SLC25A46: variants seen among roughly 807,000 people sequenced by gnomAD.
SLC25A46 encodes the protein solute carrier family 25 member 46.
Under a neutral mutation model 44.6 loss-of-function variants are expected in SLC25A46, and 39 were observed. That is an observed-to-expected ratio of 0.87 (90% CI 0.68 to 1.14). SLC25A46 has a LOEUF of 1.14. Ranked by LOEUF, SLC25A46 falls within the 50% of genes most tolerant of loss-of-function variation. The pLI is 0.00. For missense variants in SLC25A46, 547 were observed against 522.7 expected (o/e 1.05, Z -0.45); for synonymous variants, 202 against 185.8 (o/e 1.09, Z -0.71).
upstream of SLC25A46, chr5:110,738,904 C>T (rs1799501825): frequency 2.3e-6 from 3 of 1,296,258 alleles, no homozygotes; most frequent in Non-Finnish European, 3.1e-6. Flanking sequence ...GTCCAGGTTA[C>T]CGCCGCGTCT....
chr5:110,756,057 T>C (rs539778992), intron 6 of SLC25A46: 12 of 152,428 alleles, frequency 7.9e-5, no homozygotes, highest in African/African-American at 2.6e-4. Context: ...AGCACATTAT[T>C]ACTTAGTGAT....
chr5:110,741,700 A>G (rs995467339), intron 1 of SLC25A46: 6 of 170,840 alleles, frequency 3.5e-5, no homozygotes, highest in African/African-American at 1.4e-4. Flanking sequence ...ATAGTTGTCC[A>G]GGACTTTAAA....
At position 110,755,521 on chromosome 5, in the gene SLC25A46, C is replaced by A. The variant is rs766116322; in HGVS notation, c.620C>A (p.Ser207Tyr). Residue 207 changes from serine to tyrosine, a missense_variant and splice_region_variant, in exon 6 of 8, where the codon TCC becomes TAC. Ser to Tyr is a moderately radical substitution (Grantham distance 144). Coordinates refer to ENST00000355943, the MANE Select transcript of SLC25A46 (RefSeq NM_138773.4). ...ATAGGAGAACACCTTCTACTGAAAT[C>A]GTAAGTATCAAAAAATGGCATTTTT... is the stretch of plus-strand genomic sequence containing the variant. ...KQIGEHLLLKSLTYVVAMPFY... is the reference protein window; with the variant it reads ...KQIGEHLLLKYLTYVVAMPFY... The A allele has an allele frequency of 2.6e-6, 4 of 1,565,236 alleles. No homozygotes were observed. The highest frequency in any genetic ancestry group is 3.5e-6 in the Non-Finnish European group (4 of 1,155,122).
chr5:110,742,996 G>A (rs1799727432), intron 2 of SLC25A46, among the ~76,000 whole-genome samples: 2 of 152,036 alleles, frequency 1.3e-5, no homozygotes. Flanking sequence ...GGGTGTTAAT[G>A]TCAATATAAA....
chr5:110,742,194 C>A, intron 2 of SLC25A46, 105 bp downstream of exon 2: 1 of 719,228 alleles, frequency 1.4e-6, no homozygotes, highest in Non-Finnish European at 2.1e-6. Flanking sequence ...TAGGTTGTTT[C>A]TTTGAAGCAG....
In SLC25A46 at chr5:110,757,510, G is replaced by C. The variant is rs562697158; in HGVS notation, c.678+751G>C. 3.3e-3 allele frequency among the ~76,000 whole-genome samples: 503 copies of C among 151,986 alleles called. 4 individuals carry two copies. The highest frequency in any genetic ancestry group is 0.012 in the African/African-American group (479 of 41,476). On this transcript the variant is annotated intron_variant, in intron 7 of 7. Coordinates refer to ENST00000355943, the MANE Select transcript of SLC25A46 (RefSeq NM_138773.4). ...GTGAGTGCCCTCTCTGTAAAAACTC[G>C]CACTGGATCAGCCTTTGCTCTTCTA... is the stretch of plus-strand genomic sequence containing the variant.
At position 110,761,300 on chromosome 5, in the gene SLC25A46, C is replaced by T; in HGVS notation, c.775C>T (p.Leu259Phe). 6.2e-7 allele frequency: 1 copy of T among 1,613,762 alleles called. No homozygotes were observed. The highest frequency in any genetic ancestry group is 8.5e-7 in the Non-Finnish European group (1 of 1,179,780). ...GMGVPHSKRL[L>F]PLLSLIFPTV... ...GGGAGTGCCTCATAGCAAACGACTT[C>T]TTCCGCTTCTTTCCTTGATCTTCCC... The change falls in exon 8 of 8, where the codon CTT (leucine) becomes TTT (phenylalanine). Residue 259 changes from leucine to phenylalanine, a missense_variant. Leu to Phe is a conservative substitution (Grantham distance 22). Transcript: ENST00000355943. This position sits in a 1 kb window ranked among gnomAD's most constrained non-coding sequence, Gnocchi z 5.3.
intron 5 of SLC25A46, among the ~76,000 whole-genome samples, chr5:110,748,764 G>A (rs186055649): frequency 1.0e-3 from 155 of 152,198 alleles, no homozygotes; most frequent in African/African-American, 3.5e-3. Flanking sequence ...CCAATGTCAC[G>A]GGGTTGGACA....
intron 7 of SLC25A46, among the ~76,000 whole-genome samples, chr5:110,760,903 C>T (rs146301591): frequency 6.6e-6 from 1 of 151,992 alleles, no homozygotes; most frequent in African/African-American, 2.4e-5. Flanking sequence ...TCTCCTTAAG[C>T]GTTACATAGT....
chr5:110,756,602 C>A, intron 6 of SLC25A46, 100 bp from the exon 7 acceptor site: 3 of 730,836 alleles, frequency 4.1e-6, no homozygotes, highest in Non-Finnish European at 4.4e-6. Context: ...ATTATTCTAG[C>A]TTGACTATAA....
At chr5:110,746,229 A>C (rs775549856) in intron 3 of SLC25A46, 40 bp from the exon 4 acceptor site, 1 of 1,441,032 alleles carries the variant, frequency 6.9e-7, no homozygotes, top group South Asian at 1.2e-5. Context: ...TTCTTGACAA[A>C]ACATTAACAG....
rs1799513491 is a variant in SLC25A46, at chr5:110,739,020, G to C, written c.-100G>C. ...CTTCCGGTTGTCAGAATTTACCCCTGACGCGGCGGCGGCCGACGGGAAGCT... is the reference window on the plus strand; with the variant it reads ...CTTCCGGTTGTCAGAATTTACCCCTCACGCGGCGGCGGCCGACGGGAAGCT... On this transcript the variant is annotated 5_prime_UTR_variant, in exon 1 of 8. Coordinates refer to ENST00000355943, the MANE Select transcript of SLC25A46 (RefSeq NM_138773.4). 1.3e-6 allele frequency: 2 copies of C among 1,486,430 alleles called. No individual in the cohort carries two copies. The highest frequency in any genetic ancestry group is 1.8e-6 in the Non-Finnish European group (2 of 1,127,364). The allele number at this position is 1,486,430 out of a possible 1,614,324, so 92.1% of individuals were successfully genotyped here. A position where few individuals can be genotyped will look rare whatever the true frequency, so the allele number is the denominator to read the frequency against.
At chr5:110,745,912 C>CCAGT (rs1472671555) in intron 3 of SLC25A46, 1 of 161,886 alleles carries the variant, frequency 6.2e-6, no homozygotes, top group Admixed American at 6.4e-5. Flanking sequence ...ATTTCATATA[C>CCAGT]CAGTCAGTTG....
intron 1 of SLC25A46, 67 bp downstream of exon 1, chr5:110,739,469 C>A: frequency 4.0e-6 from 6 of 1,489,038 alleles, no homozygotes; most frequent in Non-Finnish European, 4.4e-6. Context: ...GCCTGCAGAC[C>A]CCGGAAGCGG....
chr5:110,741,122 G>T (rs1478800983), intron 1 of SLC25A46, among the ~76,000 whole-genome samples: 2 of 152,198 alleles, frequency 1.3e-5, no homozygotes, highest in South Asian at 4.1e-4. Flanking sequence ...TGCTTCACTT[G>T]AAAGAGAAGA....
chr5:110,761,366 G>T lies in SLC25A46; in HGVS notation c.841G>T (p.Val281Phe). The change falls in exon 8 of 8, where the codon GTT (valine) becomes TTT (phenylalanine). Residue 281 changes from valine to phenylalanine, a missense_variant. Val to Phe is a conservative substitution (Grantham distance 50). Transcript: ENST00000355943. The surrounding 1 kb of genome is among the most constrained non-coding windows in gnomAD (Gnocchi z 5.3). ...AGTTCTTCATTACATCATCAGCTCA[G>T]TTATTCAGAAGTTTGTCCTACTAAT... ...HGVLHYIISS[V>F]IQKFVLLILK... 1 of 1,613,700 alleles carries T rather than the reference G, an allele frequency of 6.2e-7. No homozygotes were observed. The highest frequency in any genetic ancestry group is 1.7e-4 in the Middle Eastern group (1 of 6,058).
rs1209308127 is a variant in SLC25A46, at chr5:110,739,251, G to C, written c.132G>C (p.Thr44=). The change falls in exon 1 of 8, where the codon ACG becomes ACC. Residue 44 remains threonine, a synonymous_variant. Transcript: ENST00000355943. ...GGTCGGACCTGGGCCACTGGGTGAC[G>C]ACTCCCCCAGATATCCCCGGCAGCC... The part of the protein sequence containing the change: ...STGSDLGHWV[T]TPPDIPGSRN... 3.8e-6 allele frequency: 6 copies of C among 1,583,270 alleles called. No individual in the cohort carries two copies. The highest frequency in any genetic ancestry group is 4.3e-6 in the Non-Finnish European group (5 of 1,165,682).
chr5:110,746,726 G>A (rs1799829189), intron 4 of SLC25A46, among the ~76,000 whole-genome samples: 1 of 152,150 alleles, frequency 6.6e-6, no homozygotes, highest in Admixed American at 6.5e-5. Flanking sequence ...GTGTATGGCT[G>A]GGAAAAACTT....
At chr5:110,738,948 A>G, upstream of SLC25A46, 5 of 1,431,890 alleles carry the variant, frequency 3.5e-6, no homozygotes, top group East Asian at 1.3e-4. Flanking sequence ...GGTTGCCGGA[A>G]GAGGCTATAA....
Sources: gnomAD v4.1 joint callset for allele counts (sites outside exome capture counted in the v4.1 genomes callset) on GRCh38, gnomAD v4.1.1 for gene constraint, Gnocchi (gnomAD v3.1) non-coding constraint, MANE v1.5 for transcripts, NCBI Gene and HGNC (gene_info 2026-07-23, HGNC 2026-07-21) for gene names.